Variants in EPHA6 observed in about 807,000 individuals in gnomAD.
EPHA6 encodes EPH receptor A6, also known as ephrin type-A receptor 6.
EPHA6 carries 50 observed loss-of-function variants against 112.0 expected under a neutral mutation model. That is an observed-to-expected ratio of 0.45 (90% confidence interval 0.36 to 0.56). The LOEUF (loss-of-function observed/expected upper bound fraction) is 0.56, where lower values mean the gene tolerates loss of function less well. EPHA6 is among the 20% of genes least tolerant of loss of function. The pLI is 0.00. For synonymous variants in EPHA6, 529 were observed against 490.7 expected, an observed-to-expected ratio of 1.08 and a Z score of -1.03; for missense variants, 1,280 against 1,417.4, an observed-to-expected ratio of 0.90 and a Z score of 1.56.
At chr3:97,432,738 C>T (rs1202555988) in intron 6 of EPHA6, among the ~76,000 whole-genome samples, 1 of 152,122 alleles carries the variant, frequency 6.6e-6, no homozygotes, top group African/African-American at 2.4e-5. Flanking sequence ...AAGCAAGGAC[C>T]TTTTTCCCAT....
At chr3:96,839,237 G>A (rs1166035300) in intron 1 of EPHA6, among the ~76,000 whole-genome samples, 2 of 152,040 alleles carry the variant, frequency 1.3e-5, no homozygotes, top group Non-Finnish European at 2.9e-5. Context: ...GTGAGCATTG[G>A]GCAAGCAAGC....
rs2078355980 is a variant in EPHA6, at chr3:97,226,342, T to C, written c.1193T>C (p.Met398Thr). 6.2e-7 allele frequency: 1 copy of C among 1,613,712 alleles called. No individual in the cohort carries two copies. The highest frequency in any genetic ancestry group is 1.7e-5 in the Admixed American group (1 of 60,010). ...TGTCCTCCACACAGTTTAACATACATGGAAGCAACTTCTGTCTGTCAGTGT... is the reference window on the plus strand; with the variant it reads ...TGTCCTCCACACAGTTTAACATACACGGAAGCAACTTCTGTCTGTCAGTGT... ...SKCPPHSLTYMEATSVCQCEK... is the reference protein window; with the variant it reads ...SKCPPHSLTYTEATSVCQCEK... The change falls in exon 4 of 18, where the codon ATG becomes ACG. Residue 398 changes from methionine (M) to threonine (T), a missense_variant. Coordinates refer to ENST00000389672, the MANE Select transcript of EPHA6 (RefSeq NM_001080448.3).
chr3:97,232,734 C>T (rs1277503730), intron 4 of EPHA6, among the ~76,000 whole-genome samples: 1 of 152,156 alleles, frequency 6.6e-6, no homozygotes, highest in Non-Finnish European at 1.5e-5. Context: ...AAGCAGGCAC[C>T]TTGACAGTTC....
intron 8 of EPHA6, among the ~76,000 whole-genome samples, chr3:97,477,245 A>G (rs571267125): frequency 6.6e-6 from 1 of 152,334 alleles, no homozygotes; most frequent in African/African-American, 2.4e-5. Context: ...CTTATCAAAC[A>G]TGGCCTACAA....
chr3:97,434,899 C>G (rs1460716152), intron 6 of EPHA6, among the ~76,000 whole-genome samples: 2 of 148,476 alleles, frequency 1.3e-5, no homozygotes, highest in Non-Finnish European at 3.0e-5. Context: ...TTCCCACCCT[C>G]CCTACCCCTT....
At chr3:97,489,613 G>T (rs1393488146) in intron 10 of EPHA6, among the ~76,000 whole-genome samples, 1 of 151,500 alleles carries the variant, frequency 6.6e-6, no homozygotes, top group African/African-American at 2.4e-5. Flanking sequence ...ATGAACCCGG[G>T]AGGCAGAGCT....
At chr3:97,641,468 C>A (rs750689040) in intron 14 of EPHA6, among the ~76,000 whole-genome samples, 8 of 152,170 alleles carry the variant, frequency 5.3e-5, no homozygotes, top group Non-Finnish European at 1.2e-4. Flanking sequence ...TAGCTCCGGT[C>A]TACAGCTCCC....
At chr3:97,149,058 G>C (rs1234399098) in intron 3 of EPHA6, among the ~76,000 whole-genome samples, 1 of 152,028 alleles carries the variant, frequency 6.6e-6, no homozygotes, top group Non-Finnish European at 1.5e-5. Context: ...CTGGCAGTAG[G>C]ATACAGAAAT....
At chr3:96,878,475 A>G (rs1209417887) in intron 2 of EPHA6, among the ~76,000 whole-genome samples, 2 of 152,090 alleles carry the variant, frequency 1.3e-5, no homozygotes, top group Non-Finnish European at 1.5e-5. Flanking sequence ...AGAGAGTAGT[A>G]AGCAAATTAA....
At position 96,960,308 on chromosome 3, in the gene EPHA6, TTCTC is replaced by T. The variant is rs1233585606; in HGVS notation, c.451-27018_451-27015del. Among the ~76,000 whole-genome samples, 6 of 152,262 alleles carry T rather than the reference TTCTC, an allele frequency of 3.9e-5. No homozygotes were observed. The East Asian group carries it at 5.8e-4, about 15-fold the overall frequency. On this transcript the variant is annotated intron_variant, in intron 2 of 17. Transcript: ENST00000389672. ...GGGTTTGAAGTCAGTATCCTCATCT[TTCTC>T]TCTTATTTCTGGGCATGTCATGATC...
chr3:97,487,952 A>G (rs1026780790), intron 10 of EPHA6, among the ~76,000 whole-genome samples: 7 of 152,238 alleles, frequency 4.6e-5, no homozygotes, highest in Admixed American at 3.9e-4. Flanking sequence ...CTTGCAAGAT[A>G]TGAGAAAACG....
chr3:97,268,069 A>G (rs1219826912), intron 5 of EPHA6, among the ~76,000 whole-genome samples: 1 of 152,210 alleles, frequency 6.6e-6, no homozygotes. Flanking sequence ...TATCTGATTC[A>G]TCATACAAAG....
chr3:97,189,658 G>A (rs1365819818), intron 3 of EPHA6, among the ~76,000 whole-genome samples: 1 of 151,916 alleles, frequency 6.6e-6, no homozygotes, highest in African/African-American at 2.4e-5. Flanking sequence ...TTTAATTGCA[G>A]CATTTATTTT....
chr3:97,728,425 G>C (rs2034881023), intron 15 of EPHA6, among the ~76,000 whole-genome samples: 2 of 152,028 alleles, frequency 1.3e-5, no homozygotes, highest in Non-Finnish European at 2.9e-5. Flanking sequence ...GAAATACCAT[G>C]GTGCCCCAAA....
chr3:97,179,875 G>A (rs79766761), intron 3 of EPHA6, among the ~76,000 whole-genome samples: 2,358 of 151,972 alleles, frequency 0.016, 31 homozygotes, highest in Non-Finnish European at 0.025. Flanking sequence ...CACACAAGGC[G>A]TGCTGTAACC....
At chr3:96,954,449 C>A (rs1368244471) in intron 2 of EPHA6, among the ~76,000 whole-genome samples, 1 of 152,170 alleles carries the variant, frequency 6.6e-6, no homozygotes, top group Admixed American at 6.5e-5. Flanking sequence ...ATCATATAAG[C>A]TGTGCTTGCT....
chr3:97,229,052 A>G (rs2078445272), intron 4 of EPHA6, among the ~76,000 whole-genome samples: 1 of 151,946 alleles, frequency 6.6e-6, no homozygotes, highest in African/African-American at 2.4e-5. Flanking sequence ...TCCTTTGCCA[A>G]CTTTTTGATG....
chr3:97,181,863 G>C (rs1338607848), intron 3 of EPHA6, among the ~76,000 whole-genome samples: 1 of 151,916 alleles, frequency 6.6e-6, no homozygotes, highest in Non-Finnish European at 1.5e-5. Context: ...CCTTCTTTTC[G>C]ATGGCTCCAC....
chr3:96,999,808 C>G (rs561068190), intron 3 of EPHA6, among the ~76,000 whole-genome samples: 6 of 151,936 alleles, frequency 3.9e-5, no homozygotes, highest in Admixed American at 6.6e-5. Context: ...TGATTAGCCA[C>G]CAGTAACTAC....
Sources: gnomAD v4.1 joint callset for allele counts (sites outside exome capture counted in the v4.1 genomes callset) on GRCh38, gnomAD v4.1.1 for gene constraint, MANE v1.5 for transcripts, NCBI Gene and HGNC (gene_info 2026-07-23, HGNC 2026-07-21) for gene names.